Variants in CDH18 observed in about 807,000 individuals in gnomAD.
The protein encoded by CDH18 is cadherin 18, also known as cadherin-18.
In CDH18, 31 loss-of-function variants were observed where a neutral mutation model predicts 67.9. That is an observed-to-expected ratio of 0.46 (90% CI 0.34 to 0.62). The LOEUF is 0.62. Ranked by LOEUF, CDH18 falls within the 20% of genes least tolerant of loss-of-function variation. The probability of loss-of-function intolerance (pLI) is 0.01; values close to 1 mark genes in which losing one functional copy is unlikely to be tolerated. For missense variants in CDH18, 890 were observed against 975.5 expected (o/e 0.91, Z 1.17); for synonymous variants, 362 against 347.2 (o/e 1.04, Z -0.48).
intron 11 of CDH18, among the ~76,000 whole-genome samples, chr5:19,491,343 G>A (rs1472586305): frequency 6.6e-6 from 1 of 152,118 alleles, no homozygotes; most frequent in Non-Finnish European, 1.5e-5. Flanking sequence ...ATGGTCTCTT[G>A]AAACCCTGTG....
Position 19,665,056 on chromosome 5 carries a change from A to T in CDH18, c.644-52455T>A, listed in dbSNP as rs35816998. Among the ~76,000 whole-genome samples the T allele has an allele frequency of 4.8e-3, 736 of 152,138 alleles. 8 individuals are homozygous for T. The highest frequency in any genetic ancestry group is 0.016 in the African/African-American group (675 of 41,560). On this transcript the variant is annotated intron_variant, in intron 5 of 12. Transcript: ENST00000382275. ...GTAGATTTTTCCAGTACAATTGTCA[A>T]CATAATTATAAAAATAATTTTTAAA...
At chr5:19,510,463 G>A (rs1222712753) in intron 10 of CDH18, among the ~76,000 whole-genome samples, 2 of 152,074 alleles carry the variant, frequency 1.3e-5, no homozygotes, top group African/African-American at 4.8e-5. Flanking sequence ...AGCATAATAA[G>A]TTCAATTATC....
intron 3 of CDH18, among the ~76,000 whole-genome samples, chr5:19,788,326 G>A (rs1776029491): frequency 6.6e-6 from 1 of 152,162 alleles, no homozygotes; most frequent in South Asian, 2.1e-4. Flanking sequence ...CAAAAGATTT[G>A]TTGACATTTG....
At chr5:19,888,439 T>C (rs1788457425) in intron 2 of CDH18, among the ~76,000 whole-genome samples, 1 of 152,092 alleles carries the variant, frequency 6.6e-6, no homozygotes, top group Non-Finnish European at 1.5e-5. Flanking sequence ...TTCATTAGAT[T>C]TATTTCTAAC....
At chr5:19,888,259 C>T (rs1299615262) in intron 2 of CDH18, among the ~76,000 whole-genome samples, 1 of 152,116 alleles carries the variant, frequency 6.6e-6, no homozygotes, top group Non-Finnish European at 1.5e-5. Context: ...CACACACCGA[C>T]AGTTTATTTT....
At chr5:19,523,275 A>C (rs1488439040) in intron 9 of CDH18, among the ~76,000 whole-genome samples, 1 of 152,202 alleles carries the variant, frequency 6.6e-6, no homozygotes, top group Non-Finnish European at 1.5e-5. Flanking sequence ...TGTGCACTTA[A>C]GTTACATGCA....
intron 1 of CDH18, among the ~76,000 whole-genome samples, chr5:20,555,607 G>C (rs1459338290): frequency 6.6e-6 from 1 of 151,618 alleles, no homozygotes; most frequent in Non-Finnish European, 1.5e-5. Context: ...ACCACACACA[G>C]ACAAGCTTTT....
chr5:19,994,734 TATATAGAGAGAGAGAGAG>T (rs1417280520), intron 2 of CDH18, among the ~76,000 whole-genome samples: 41 of 9,918 alleles, frequency 4.1e-3, no homozygotes, highest in East Asian at 0.021. Context: ...TATATATATA[TATATAGAGAGAGAGAGAG>T]AGAGAGAGAG....
At chr5:19,806,248 C>CCACTGCCTGCGTGTTCAG (rs1166454081) in intron 3 of CDH18, among the ~76,000 whole-genome samples, 1 of 152,182 alleles carries the variant, frequency 6.6e-6, no homozygotes, top group Non-Finnish European at 1.5e-5. Flanking sequence ...TCCTCGTGCA[C>CCACTGCCTGCGTGTTCAG]CACTGCCTGC....
chr5:20,082,160 T>C (rs1744536987), intron 2 of CDH18, among the ~76,000 whole-genome samples: 1 of 152,056 alleles, frequency 6.6e-6, no homozygotes, highest in African/African-American at 2.4e-5. Flanking sequence ...ACCTGTGATA[T>C]TAATCCTCAG....
intron 2 of CDH18, among the ~76,000 whole-genome samples, chr5:20,057,327 CTT>C (rs1056339277): frequency 6.6e-6 from 1 of 152,068 alleles, no homozygotes; most frequent in Non-Finnish European, 1.5e-5. Context: ...TATCCTGAAT[CTT>C]TTTTTCTGTA....
intron 2 of CDH18, among the ~76,000 whole-genome samples, chr5:19,854,890 T>C (rs773464549): frequency 5.0e-4 from 75 of 150,710 alleles, no homozygotes; most frequent in Non-Finnish European, 4.6e-4. Flanking sequence ...CCCACTATCC[T>C]TTCCAGCCTC....
chr5:19,792,022 C>A (rs1776412121), intron 3 of CDH18, among the ~76,000 whole-genome samples: 1 of 152,080 alleles, frequency 6.6e-6, no homozygotes, highest in Non-Finnish European at 1.5e-5. Flanking sequence ...TAAGCAGTAA[C>A]CTGTTAGGTT....
chr5:20,035,159 A>G (rs1031626529), intron 2 of CDH18, among the ~76,000 whole-genome samples: 8 of 152,054 alleles, frequency 5.3e-5, no homozygotes, highest in Non-Finnish European at 1.2e-4. Context: ...ATTATTAGAC[A>G]CATAGTGTTA....
intron 2 of CDH18, among the ~76,000 whole-genome samples, chr5:20,249,473 T>G (rs1312623729): frequency 1.3e-5 from 2 of 151,290 alleles, no homozygotes; most frequent in Non-Finnish European, 2.9e-5. Flanking sequence ...AGCTCCGCCT[T>G]CCGGGTTCAC....
At chr5:20,269,922 C>T (rs1745313973) in intron 1 of CDH18, among the ~76,000 whole-genome samples, 1 of 151,812 alleles carries the variant, frequency 6.6e-6, no homozygotes, top group Non-Finnish European at 1.5e-5. Context: ...ATAAAGATAG[C>T]TCAATAATAC....
At chr5:19,528,293 T>C (rs1281024074) in intron 9 of CDH18, among the ~76,000 whole-genome samples, 4 of 151,728 alleles carry the variant, frequency 2.6e-5, no homozygotes, top group Non-Finnish European at 4.4e-5. Context: ...TGAACTTTTA[T>C]GCTGTCTTTT....
At chr5:19,513,776 T>C (rs573408151) in intron 10 of CDH18, among the ~76,000 whole-genome samples, 22 of 152,280 alleles carry the variant, frequency 1.4e-4, no homozygotes, top group Admixed American at 1.1e-3. Context: ...TCATGGAACT[T>C]GTTTTTTCAT....
chr5:20,540,794 G>A (rs931933626), intron 1 of CDH18, among the ~76,000 whole-genome samples: 1 of 152,208 alleles, frequency 6.6e-6, no homozygotes, highest in African/African-American at 2.4e-5. Flanking sequence ...AAATCATTTG[G>A]CAAAACTTTA....
Sources: gnomAD v4.1 joint callset for allele counts (sites outside exome capture counted in the v4.1 genomes callset) on GRCh38, gnomAD v4.1.1 for gene constraint, MANE v1.5 for transcripts, NCBI Gene and HGNC (gene_info 2026-07-23, HGNC 2026-07-21) for gene names.